SDS: variants seen among roughly 807,000 people sequenced by gnomAD.
The protein encoded by SDS is serine dehydratase.
In SDS, 19 loss-of-function variants were observed where a neutral mutation model predicts 29.3. The ratio of observed to expected loss-of-function variants is 0.65; its 90% CI spans 0.45 to 0.95. SDS has a LOEUF of 0.95. SDS is among the 40% of genes least tolerant of loss of function. SDS has a pLI of 0.00. For synonymous variants in SDS, 176 were observed against 189.0 expected (o/e 0.93, Z 0.56); for missense variants, 375 against 439.9 (o/e 0.85, Z 1.32).
intron 6 of SDS, among the ~76,000 whole-genome samples, chr12:113,396,424 T>C (rs1957644724): frequency 6.6e-6 from 1 of 150,396 alleles, no homozygotes; most frequent in Admixed American, 6.6e-5. Context: ...TTTCTTTCTC[T>C]CTTTCTTTCT....
chr12:113,399,331 G>C, intron 2 of SDS, 180 bp from the exon 3 acceptor site: 1 of 858,520 alleles, frequency 1.2e-6, no homozygotes, highest in Non-Finnish European at 1.8e-6. Flanking sequence ...CTCAGGAAAG[G>C]GTGGAGGAAA....
Position 113,399,568 on chromosome 12 carries a change from G to A in SDS, c.141C>T (p.His47=). The A allele has an allele frequency of 1.9e-6, 3 of 1,590,906 alleles. No individual in the cohort carries two copies. Among genetic ancestry groups the A allele is most frequent in the South Asian group, 1.1e-5 (1 of 87,668 alleles). ...CCCGGTCCCGTACCCTCTTGCAGAA[G>A]TGCCCAATGCCCCGGATCTTGAAGG... ...SGSFKIRGIG[H]FCKRWAKQGC... is the part of the protein sequence containing the mutation. The change falls in exon 2 of 8, where the codon CAC becomes CAT. Residue 47 remains histidine (H), a synonymous_variant. Transcript: ENST00000257549.
chr12:113,393,855 G>A, intron 7 of SDS, 37 bp downstream of exon 7: 1 of 1,613,438 alleles, frequency 6.2e-7, no homozygotes, highest in South Asian at 1.1e-5. Context: ...TAGCGCCTGA[G>A]TCAGCAGGTC....
At chr12:113,396,886 G>A (rs1957650134) in intron 6 of SDS, 1 of 507,238 alleles carries the variant, frequency 2.0e-6, no homozygotes, top group African/African-American at 1.9e-5. Flanking sequence ...TGATCTTCCT[G>A]CCTCAGCCAC....
chr12:113,393,298 T>C (rs1957623279), intron 7 of SDS, 149 bp from the exon 8 acceptor site: 4 of 778,744 alleles, frequency 5.1e-6, no homozygotes, highest in Non-Finnish European at 8.5e-6. Context: ...CGTCCCGTCA[T>C]CGGCCTGAAT....
intron 6 of SDS, among the ~76,000 whole-genome samples, chr12:113,396,262 TA>T (rs1168436706): frequency 1.3e-5 from 2 of 152,200 alleles, no homozygotes; most frequent in Admixed American, 1.3e-4. Flanking sequence ...ATGAGGTATG[TA>T]AAACCTTGCC....
In SDS at chr12:113,393,076, C is replaced by A. The variant is rs373374693; in HGVS notation, c.852G>T (p.Lys284Asn). ...LAAVYSHVIQ[K>N]LQLEGNLRTP... ...TTCGGAGATTCCCCTCCAGTTGGAG[C>A]TTCTGGATCACGTGGCTATAGACAG... Residue 284 changes from lysine (K) to asparagine (N), a missense_variant, in exon 8 of 8, where the codon AAG (lysine) becomes AAT (asparagine). By Grantham distance (94) the Lys-to-Asn change is moderately conservative. Coordinates refer to ENST00000257549, the MANE Select transcript of SDS (RefSeq NM_006843.3). The A allele has an allele frequency of 6.2e-7, 1 of 1,614,128 alleles. No individual in the cohort carries two copies. Among genetic ancestry groups the A allele is most frequent in the Non-Finnish European group, 8.5e-7 (1 of 1,180,052 alleles).
At chr12:113,395,640 G>C (rs1482393597) in intron 6 of SDS, among the ~76,000 whole-genome samples, 1 of 152,140 alleles carries the variant, frequency 6.6e-6, no homozygotes, top group African/African-American at 2.4e-5. Context: ...ATGGAATGTG[G>C]GTGTGATAGC....
At chr12:113,399,184 A>G (rs1446294967) in intron 2 of SDS, 33 bp from the exon 3 acceptor site, 2 of 1,611,000 alleles carry the variant, frequency 1.2e-6, no homozygotes, top group East Asian at 4.5e-5. Context: ...ACTCAGGCCC[A>G]CCTCCCAGTC....
Position 113,399,493 on chromosome 12 carries a change from C to T in SDS, c.153+63G>A, listed in dbSNP as rs1024382205. On this transcript the variant is annotated intron_variant, in intron 2 of 7. Transcript: ENST00000257549. ...CCTTTAATTTCACACAGCACTGGCC[C>T]TGCCCTGTTGAGGAAGGAGGACCTG... is the stretch of plus-strand genomic sequence containing the variant. 4.1e-6 allele frequency: 6 copies of T among 1,462,032 alleles called. No individual in the cohort carries two copies. The South Asian group carries it at 8.6e-5, about 21-fold the overall frequency. The allele number at this position is 1,462,032 out of a possible 1,614,324, so 90.6% of individuals were successfully genotyped here.
chr12:113,393,274 G>A (rs1299137810), intron 7 of SDS, 125 bp from the exon 8 acceptor site: 2 of 932,640 alleles, frequency 2.1e-6, no homozygotes, highest in Middle Eastern at 3.2e-4. Context: ...TGCAGCCGCA[G>A]GTCCTGAACC....
chr12:113,394,433 G>A (rs1343641135), intron 6 of SDS, among the ~76,000 whole-genome samples: 2 of 150,516 alleles, frequency 1.3e-5, no homozygotes, highest in South Asian at 4.2e-4. Flanking sequence ...TCTGCCTCCC[G>A]GGTTCAAGCA....
At chr12:113,400,210 T>C (rs1367811972) in intron 1 of SDS, among the ~76,000 whole-genome samples, 4 of 152,042 alleles carry the variant, frequency 2.6e-5, no homozygotes, top group African/African-American at 4.8e-5. Flanking sequence ...GGAGAATCAC[T>C]TGAACCCAGG....
chr12:113,403,558 G>T (rs1430620060), intron 1 of SDS, among the ~76,000 whole-genome samples: 1 of 151,928 alleles, frequency 6.6e-6, no homozygotes, highest in Non-Finnish European at 1.5e-5. Flanking sequence ...GAGATTGGGG[G>T]GGGTCTCACT....
In SDS at chr12:113,392,622, T is replaced by G. The variant is rs1957617844; in HGVS notation, c.*319A>C. ...GGGGCGAGGTCACAGCTTTGAGGAA[T>G]TCCTCACTGCTGTGATTCAGGTCTC... On this transcript the variant is annotated 3_prime_UTR_variant, in exon 8 of 8. Transcript: ENST00000257549. 4 of 337,948 alleles carry G rather than the reference T, an allele frequency of 1.2e-5. No individual in the cohort carries two copies. In the South Asian group the frequency reaches 1.2e-4, roughly 11 times the overall value. The allele number at this position is 337,948 out of a possible 1,614,324, so 20.9% of individuals were successfully genotyped here.
chr12:113,400,260 C>T (rs187499071), intron 1 of SDS, among the ~76,000 whole-genome samples: 342 of 151,926 alleles, frequency 2.3e-3, no homozygotes, highest in Non-Finnish European at 3.9e-3. Flanking sequence ...CCATTGCACT[C>T]CTGCCTGGGT....
rs1053987727 is a variant in SDS, at chr12:113,393,282, ACCAAACGTC to A, written c.779-142_779-134del. On this transcript the variant is annotated intron_variant, in intron 7 of 7. Coordinates refer to ENST00000257549, the MANE Select transcript of SDS (RefSeq NM_006843.3). The stretch of plus-strand genomic sequence containing the variant: ...CCCTGGCTGCAGCCGCAGGTCCTGA[ACCAAACGTC>A]CCGTCATCGGCCTGAATTGGCCCTT... The A allele has an allele frequency of 4.6e-6, 4 of 865,112 alleles. No individual in the cohort carries two copies. The African/African-American group carries it at 6.8e-5, about 15-fold the overall frequency. The allele number at this position is 865,112 out of a possible 1,614,324, so 53.6% of individuals were successfully genotyped here.
chr12:113,402,192 C>T (rs542006853), intron 1 of SDS, among the ~76,000 whole-genome samples: 22 of 152,250 alleles, frequency 1.4e-4, no homozygotes, highest in Non-Finnish European at 2.6e-4. Context: ...CTGGATCTCT[C>T]GAATAAAAAT....
Position 113,398,385 on chromosome 12 carries a change from C to T in SDS, c.425+130G>A, listed in dbSNP as rs1239073999. 4 of 642,994 alleles carry T rather than the reference C, an allele frequency of 6.2e-6. No individual in the cohort carries two copies. In the African/African-American group the frequency reaches 7.3e-5, roughly 12 times the overall value. The allele number at this position is 642,994 out of a possible 1,614,324, so 39.8% of individuals were successfully genotyped here. ...TGTGCCCCGCCTAAGTGTGCTTCTA[C>T]ATGGTGGTGTGCGCACACATGTGCA... On this transcript the variant is annotated intron_variant, in intron 5 of 7. Coordinates refer to ENST00000257549, the MANE Select transcript of SDS (RefSeq NM_006843.3).
Sources: allele counts gnomAD v4.1 joint callset (sites outside exome capture counted in the v4.1 genomes callset), GRCh38; gene constraint gnomAD v4.1.1; transcripts MANE v1.5; gene names NCBI Gene and HGNC (gene_info 2026-07-23, HGNC 2026-07-21).